Variants in P2RX5 observed in about 807,000 individuals in gnomAD.
P2RX5 encodes the protein P2X purinoceptor 5.
A neutral mutation model predicts 54.1 loss-of-function variants in P2RX5; 46 were observed. The observed-to-expected ratio is 0.85, with a 90% confidence interval of 0.67 to 1.09. The LOEUF is 1.09. Among genes scored for constraint, P2RX5 ranks in the 50% least tolerant of loss-of-function variants. The pLI, the probability that P2RX5 is intolerant of heterozygous loss-of-function variation, is 0.00. For synonymous variants in P2RX5, 226 were observed against 226.4 expected (o/e 1.00, Z 0.02); for missense variants, 566 against 549.8 (o/e 1.03, Z -0.29).
intron 10 of P2RX5, among the ~76,000 whole-genome samples, chr17:3,680,146 A>C (rs375167371): frequency 0.33 from 9,524 of 28,722 alleles, 1,872 homozygotes; most frequent in African/African-American, 0.43. Context: ...CTCCACCCTG[A>C]GTCCTCCATC....
At chr17:3,702,848 C>T in the P2RX5 span, among the ~76,000 whole-genome samples, 2 of 152,218 alleles carry the variant, frequency 1.3e-5, no homozygotes, top group Non-Finnish European at 2.9e-5. Context: ...TTTCTTTTTA[C>T]ATCATCTCCC....
In P2RX5 at chr17:3,688,059, G is replaced by A; in HGVS notation, c.934C>T (p.Leu312=). 8 of 1,605,360 alleles carry A rather than the reference G, an allele frequency of 5.0e-6. No homozygotes were observed. Among genetic ancestry groups the A allele is most frequent in the South Asian group, 1.1e-5 (1 of 89,826 alleles). The change falls in exon 9 of 12, where the codon CTG becomes TTG. Residue 312 remains leucine, a synonymous_variant. Coordinates refer to ENST00000225328, the MANE Select transcript of P2RX5 (RefSeq NM_002561.4). ...RDAAGVEFRT[L]MKAYGIRFDV... Reference sequence around the variant, plus strand: ...AAGCGGATCCCGTAGGCTTTCATCAGGGTGCGGAACTCCACCCCGGCTGCG... The same window carrying A: ...AAGCGGATCCCGTAGGCTTTCATCAAGGTGCGGAACTCCACCCCGGCTGCG...
chr17:3,701,707 A>AAAAAAAT, the P2RX5 span, among the ~76,000 whole-genome samples: 2 of 139,922 alleles, frequency 1.4e-5, no homozygotes, highest in South Asian at 2.3e-4. Context: ...AAAAAAAAAA[A>AAAAAAAT]AAAAAAAAAA....
chr17:3,689,985 C>T (rs548353515), intron 6 of P2RX5, 85 bp downstream of exon 6: 1 of 1,208,218 alleles, frequency 8.3e-7, no homozygotes, highest in East Asian at 2.3e-5. Flanking sequence ...CACACACACC[C>T]CCAGGCAGAG....
the P2RX5 span, among the ~76,000 whole-genome samples, chr17:3,707,047 G>C: frequency 6.6e-6 from 1 of 152,142 alleles, no homozygotes. Context: ...CATTAATAAA[G>C]ATATACAAAC....
chr17:3,723,382 T>G, the P2RX5 span: 1 of 1,610,812 alleles, frequency 6.2e-7, no homozygotes, highest in Non-Finnish European at 8.5e-7. Context: ...TTCTTCCACA[T>G]GCTGGAAAAG....
chr17:3,681,651 C>T (rs907035564), intron 10 of P2RX5, among the ~76,000 whole-genome samples: 1 of 152,242 alleles, frequency 6.6e-6, no homozygotes, highest in Non-Finnish European at 1.5e-5. Flanking sequence ...TGGGACTTGT[C>T]CAGAATCAGG....
chr17:3,673,422 G>A lies in P2RX5; in HGVS notation c.*446C>T. 9.3e-7 allele frequency: 1 copy of A among 1,078,900 alleles called. No homozygotes were observed. Among genetic ancestry groups the A allele is most frequent in the Non-Finnish European group, 1.1e-6 (1 of 885,324 alleles). The allele number at this position is 1,078,900 out of a possible 1,614,324, so 66.8% of individuals were successfully genotyped here. On this transcript the variant is annotated 3_prime_UTR_variant, in exon 12 of 12. Transcript: ENST00000225328. ...GATCCACTGGAGAGTATGCTCTGAG[G>A]GAAGCTGCGGCACTTGCAGAGGGGA...
Position 3,679,788 on chromosome 17 carries a change from G to T in P2RX5, c.1065-4C>A. 3 of 1,608,556 alleles carry T rather than the reference G, an allele frequency of 1.9e-6. No homozygotes were observed. The highest frequency in any genetic ancestry group is 2.5e-6 in the Non-Finnish European group (3 of 1,179,638). The stretch of plus-strand genomic sequence containing the variant: ...CTGGGAACTGTCTTCTAGGCCCCTG[G>T]ACAAGATACAAGCTGTTCACCTGGG... On this transcript the variant is annotated splice_polypyrimidine_tract_variant and splice_region_variant and intron_variant, in intron 10 of 11. Coordinates refer to ENST00000225328, the MANE Select transcript of P2RX5 (RefSeq NM_002561.4).
intron 9 of P2RX5, chr17:3,682,530 G>A (rs2050313381): frequency 5.5e-6 from 1 of 181,168 alleles, no homozygotes; most frequent in African/African-American, 2.4e-5. Flanking sequence ...GCGGGAAGAG[G>A]GAGATGCGCT....
intron 11 of P2RX5, among the ~76,000 whole-genome samples, chr17:3,674,502 G>A (rs895756688): frequency 3.3e-5 from 5 of 152,194 alleles, no homozygotes; most frequent in African/African-American, 7.2e-5. Flanking sequence ...CTGAGCACGG[G>A]GCCCCTGATG....
At chr17:3,723,147 T>C in the P2RX5 span, 6 of 630,156 alleles carry the variant, frequency 9.5e-6, no homozygotes, top group Non-Finnish European at 1.7e-5. Context: ...AAGGAACGGG[T>C]TGGGACAGAG....
chr17:3,679,032 C>T (rs2050166851), intron 11 of P2RX5, among the ~76,000 whole-genome samples: 1 of 152,176 alleles, frequency 6.6e-6, no homozygotes, highest in African/African-American at 2.4e-5. Flanking sequence ...CCGGGGCAGC[C>T]CCAGAATCGC....
the P2RX5 span, among the ~76,000 whole-genome samples, chr17:3,710,072 T>A: frequency 4.0e-5 from 6 of 151,598 alleles, no homozygotes; most frequent in South Asian, 2.1e-4. Context: ...CTTAACCAAA[T>A]ACCCCTCCTT....
chr17:3,712,225 T>C, the P2RX5 span, among the ~76,000 whole-genome samples: 14 of 152,094 alleles, frequency 9.2e-5, no homozygotes, highest in African/African-American at 3.1e-4. Context: ...TGTGGCAGCA[T>C]TGGAAAACAG....
intron 9 of P2RX5, chr17:3,682,188 C>A: frequency 3.3e-6 from 2 of 603,732 alleles, no homozygotes; most frequent in Non-Finnish European, 6.0e-6. Flanking sequence ...CTGGAGCTCC[C>A]CCGATCCCAC....
chr17:3,712,064 T>C, the P2RX5 span, among the ~76,000 whole-genome samples: 1 of 152,186 alleles, frequency 6.6e-6, no homozygotes, highest in Non-Finnish European at 1.5e-5. Flanking sequence ...TTTTAAAAAG[T>C]ATAAAAAGCA....
the P2RX5 span, chr17:3,723,795 T>TTTCCG: frequency 1.3e-6 from 2 of 1,596,958 alleles, no homozygotes; most frequent in Admixed American, 1.8e-5. Context: ...AGCCGCCAGT[T>TTTCCG]TTCCGTCCCG....
At chr17:3,689,889 C>G (rs1351841342) in intron 6 of P2RX5, among the ~76,000 whole-genome samples, 181 bp downstream of exon 6, 1 of 149,882 alleles carries the variant, frequency 6.7e-6, no homozygotes, top group Non-Finnish European at 1.5e-5. Flanking sequence ...CGCACACACA[C>G]AAACGCACGC....
Sources: allele counts gnomAD v4.1 joint callset (sites outside exome capture counted in the v4.1 genomes callset), GRCh38; gene constraint gnomAD v4.1.1; transcripts MANE v1.5; gene names NCBI Gene and HGNC (gene_info 2026-07-23, HGNC 2026-07-21).